The following EPAS1 variants were observed in gnomAD, a reference collection of about 807,000 sequenced individuals.
EPAS1 encodes the protein endothelial PAS domain protein 1, also known as endothelial PAS domain-containing protein 1.
In EPAS1, 23 loss-of-function variants were observed where a neutral mutation model predicts 87.9. That is an observed-to-expected ratio of 0.26 (90% CI 0.19 to 0.37). The LOEUF is 0.37. Ranked by LOEUF, EPAS1 falls within the 10% of genes least tolerant of loss-of-function variation. EPAS1 has a pLI of 1.00. For synonymous variants in EPAS1, 508 were observed against 444.3 expected (o/e 1.14, Z -1.80); for missense variants, 1,138 against 1,120.7 (o/e 1.02, Z -0.22).
At chr2:46,310,836 G>A (rs1251066560) in intron 1 of EPAS1, among the ~76,000 whole-genome samples, 7 of 152,222 alleles carry the variant, frequency 4.6e-5, no homozygotes, top group Non-Finnish European at 7.3e-5. Context: ...TAACTCCTGA[G>A]TACTTTTGGC....
Position 46,356,157 on chromosome 2 carries a change from C to T in EPAS1, c.224C>T (p.Ser75Phe), listed in dbSNP as rs267599391. 7.7e-7 allele frequency: 1 copy of T among 1,303,860 alleles called. No individual in the cohort carries two copies. The highest frequency in any genetic ancestry group is 1.1e-6 in the Non-Finnish European group (1 of 932,386). 80.8% of individuals were successfully genotyped at this position (1,303,860 alleles called of 1,614,324 possible). ...RTHKLLSSVC[S>F]ENESEAEADQ... ...CACCCCCCCCCCTTTCCAGTTTGCT[C>T]TGAAAACGAGTCCGAAGCCGAAGCT... The change falls in exon 3 of 16, where the codon TCT (serine) becomes TTT (phenylalanine). Residue 75 changes from serine to phenylalanine, a missense_variant. Ser to Phe is a radical substitution (Grantham distance 155, BLOSUM62 -2). This residue lies in a region of EPAS1 where 351 missense variants were observed against 417.1 expected (regional missense o/e 0.84). Coordinates refer to ENST00000263734, the MANE Select transcript of EPAS1 (RefSeq NM_001430.5).
Position 46,380,817 on chromosome 2 carries a change from G to C in EPAS1, c.2045+100G>C. 1 of 1,578,074 alleles carries C rather than the reference G, an allele frequency of 6.3e-7. No individual in the cohort carries two copies. The highest frequency in any genetic ancestry group is 8.6e-7 in the Non-Finnish European group (1 of 1,163,798). ...AGGGAGGCCCCTGCCCCTCTCCCCA[G>C]CCATCTGATACCCCATTTAGCCCTT... On this transcript the variant is annotated intron_variant, in intron 12 of 15. Coordinates refer to ENST00000263734, the MANE Select transcript of EPAS1 (RefSeq NM_001430.5). The surrounding 1 kb of genome is among the most constrained non-coding windows in gnomAD (Gnocchi z 4.4).
Position 46,375,191 on chromosome 2 carries a change from A to AAC in EPAS1, c.887-498_887-497insCA, listed in dbSNP as rs1553397299. Among the ~76,000 whole-genome samples the AAC allele has an allele frequency of 3.1e-4, 37 of 118,416 alleles. 2 individuals carry two copies. In the South Asian group the frequency reaches 3.6e-3, roughly 11 times the overall value. 77.7% of individuals were successfully genotyped at this position (118,416 alleles called of 152,430 possible). On this transcript the variant is annotated intron_variant, in intron 7 of 15. Coordinates refer to ENST00000263734, the MANE Select transcript of EPAS1 (RefSeq NM_001430.5). This position sits in a 1 kb window ranked among gnomAD's most constrained non-coding sequence, Gnocchi z 4.1. ...GGTGGGTCTGCTGAAAAAAAAAAAC[A>AAC]AAAAAAAACAAAAAAAACTGCCCTG...
rs907668168 is a variant in EPAS1 at position 46,353,355 on chromosome 2, G to A, written c.218-2796G>A. Among the ~76,000 whole-genome samples the A allele has an allele frequency of 3.5e-4, 53 of 152,218 alleles. 2 individuals are homozygous for A. The highest frequency in any genetic ancestry group is 2.6e-4 in the Non-Finnish European group (18 of 68,038). ...CAGATTCTCAGTTCTACTGAACCAG[G>A]AACCCAGCAGGGGCCCGTCCAGGGC... On this transcript the variant is annotated intron_variant, in intron 2 of 15. Coordinates refer to ENST00000263734, the MANE Select transcript of EPAS1 (RefSeq NM_001430.5).
At chr2:46,366,874 A>G (rs1342921361) in intron 6 of EPAS1, among the ~76,000 whole-genome samples, 1 of 152,240 alleles carries the variant, frequency 6.6e-6, no homozygotes, top group Non-Finnish European at 1.5e-5. Context: ...AGCTCGGTTC[A>G]TTAACCTCCC....
intron 1 of EPAS1, among the ~76,000 whole-genome samples, chr2:46,303,186 C>T (rs969150078): frequency 6.6e-6 from 1 of 152,000 alleles, no homozygotes; most frequent in African/African-American, 2.4e-5. Context: ...AGGTAATAAC[C>T]GCCCCCCTCC....
At chr2:46,374,323 A>G (rs1210647890) in intron 7 of EPAS1, among the ~76,000 whole-genome samples, 2 of 152,124 alleles carry the variant, frequency 1.3e-5, no homozygotes, top group African/African-American at 2.4e-5. Context: ...TCATGAGACT[A>G]TCTACCAACG....
intron 2 of EPAS1, 70 bp from the exon 3 acceptor site, chr2:46,356,081 C>T: frequency 2.6e-6 from 4 of 1,516,052 alleles, no homozygotes; most frequent in Non-Finnish European, 3.7e-6. Context: ...TGGCAAATGC[C>T]TATCTGTGCC....
At chr2:46,302,802 G>C (rs1363174877) in intron 1 of EPAS1, among the ~76,000 whole-genome samples, 1 of 151,702 alleles carries the variant, frequency 6.6e-6, no homozygotes. Flanking sequence ...GGTTGGGCGT[G>C]GTAACTCATG....
chr2:46,302,718 T>G (rs1183732257), intron 1 of EPAS1, among the ~76,000 whole-genome samples: 1 of 140,132 alleles, frequency 7.1e-6, no homozygotes, highest in Non-Finnish European at 1.5e-5. Flanking sequence ...GTCATCAAGT[T>G]GCTTAGTCTG....
chr2:46,356,282 A>G lies in EPAS1; in HGVS notation c.349A>G (p.Lys117Glu). 1 of 1,614,172 alleles carries G rather than the reference A, an allele frequency of 6.2e-7. No homozygotes were observed. Among genetic ancestry groups the G allele is most frequent in the Non-Finnish European group, 8.5e-7 (1 of 1,180,024 alleles). The change falls in exon 3 of 16, where the codon AAG (lysine) becomes GAG (glutamate). Residue 117 changes from lysine to glutamate, a missense_variant. Coordinates refer to ENST00000263734, the MANE Select transcript of EPAS1 (RefSeq NM_001430.5). Reference protein sequence around the residue: ...DMIFLSENISKFMGLTQVELT... With the variant: ...DMIFLSENISEFMGLTQVELT... ...GATCTTTCTGTCAGAAAACATCAGC[A>G]AGTTCATGGGACTTACACAGGTGAC...
At chr2:46,317,093 A>G (rs1683357844) in intron 1 of EPAS1, among the ~76,000 whole-genome samples, 2 of 152,140 alleles carry the variant, frequency 1.3e-5, no homozygotes, top group Admixed American at 6.5e-5. Context: ...TTTTCTTGCT[A>G]TTTCTTCCAC....
intron 15 of EPAS1, among the ~76,000 whole-genome samples, chr2:46,382,865 G>T (rs1214472781): frequency 6.6e-6 from 1 of 152,204 alleles, no homozygotes; most frequent in African/African-American, 2.4e-5. Flanking sequence ...AAAGAATGCA[G>T]ACCACTACCG....
chr2:46,351,789 A>T (rs986570146), intron 2 of EPAS1, among the ~76,000 whole-genome samples: 1 of 152,196 alleles, frequency 6.6e-6, no homozygotes, highest in Non-Finnish European at 1.5e-5. Flanking sequence ...ATAAAAGTGC[A>T]GCCAGCATTC....
Position 46,297,859 on chromosome 2 carries a change from G to T in EPAS1, c.-53G>T. 6.3e-7 allele frequency: 1 copy of T among 1,593,986 alleles called. No individual in the cohort carries two copies. ...GGACGAGGGCCACAGCCCCCCACCCGCCAGGGAGCCCAGGTGCTCGGCGTC... is the reference window on the plus strand; with the variant it reads ...GGACGAGGGCCACAGCCCCCCACCCTCCAGGGAGCCCAGGTGCTCGGCGTC... On this transcript the variant is annotated 5_prime_UTR_variant, in exon 1 of 16. Transcript: ENST00000263734.
At chr2:46,318,880 T>A (rs151283667) in intron 1 of EPAS1, among the ~76,000 whole-genome samples, 1 of 152,372 alleles carries the variant, frequency 6.6e-6, no homozygotes, top group African/African-American at 2.4e-5. Context: ...ATATCAGAAC[T>A]ATCTCTTGCT....
intron 1 of EPAS1, among the ~76,000 whole-genome samples, chr2:46,303,344 G>A (rs1056335453): frequency 8.5e-5 from 13 of 152,210 alleles, no homozygotes; most frequent in Admixed American, 7.9e-4. Flanking sequence ...TCAAATGGGA[G>A]AAGGCAGTCT....
chr2:46,356,352 G>C, intron 3 of EPAS1, 50 bp downstream of exon 3: 1 of 1,611,220 alleles, frequency 6.2e-7, no homozygotes, highest in East Asian at 2.2e-5. Flanking sequence ...TCCATTTGGG[G>C]GTAGAAATGA....
intron 6 of EPAS1, among the ~76,000 whole-genome samples, chr2:46,363,546 AC>A (rs1219296445): frequency 6.6e-6 from 1 of 152,204 alleles, no homozygotes; most frequent in Non-Finnish European, 1.5e-5. Flanking sequence ...TAACCTTTGG[AC>A]AAAAGAAGAG....
Sources: gnomAD v4.1 joint callset for allele counts (sites outside exome capture counted in the v4.1 genomes callset) on GRCh38, gnomAD v4.1.1 for gene constraint, gnomAD v4.1.1 regional missense constraint, Gnocchi (gnomAD v3.1) non-coding constraint, MANE v1.5 for transcripts, NCBI Gene and HGNC (gene_info 2026-07-23, HGNC 2026-07-21) for gene names.